The following GPATCH8 variants were observed in gnomAD, a reference collection of about 807,000 sequenced individuals.
The protein encoded by GPATCH8 is G patch domain-containing protein 8.
A neutral mutation model predicts 118.3 loss-of-function variants in GPATCH8; 18 were observed. That is an observed-to-expected ratio of 0.15 (90% CI 0.11 to 0.23). The LOEUF (loss-of-function observed/expected upper bound fraction) is 0.23. Among genes scored for constraint, GPATCH8 ranks in the 10% least tolerant of loss-of-function variants. GPATCH8 has a pLI of 1.00. For synonymous variants in GPATCH8, 659 were observed against 684.7 expected, an observed-to-expected ratio of 0.96 and a Z score of 0.59; for missense variants, 1,631 against 1,873.8, an observed-to-expected ratio of 0.87 and a Z score of 2.39.
intron 6 of GPATCH8, among the ~76,000 whole-genome samples, chr17:44,406,507 G>GGGT (rs1555622844): frequency 1.9e-5 from 1 of 51,498 alleles, no homozygotes; most frequent in South Asian, 9.5e-4. Context: ...GGGGGGGGGG[G>GGGT]GTTATTTAAA....
chr17:44,443,291 T>C (rs115669446), intron 3 of GPATCH8, among the ~76,000 whole-genome samples: 1,861 of 152,328 alleles, frequency 0.012, 33 homozygotes, highest in African/African-American at 0.037. Flanking sequence ...ATTTCATTTA[T>C]TGAAACTGTG....
At chr17:44,455,833 CGCCTCCTGGGTTCAAGCAATTCTCCT>C (rs1568014762) in intron 3 of GPATCH8, among the ~76,000 whole-genome samples, 1 of 152,124 alleles carries the variant, frequency 6.6e-6, no homozygotes, top group African/African-American at 2.4e-5. Context: ...CTGCAACCTC[CGCCTCCTGGGTTCAAGCAATTCTCCT>C]GCCTCAGCCT....
At chr17:44,483,555 G>C (rs1968513841) in intron 1 of GPATCH8, among the ~76,000 whole-genome samples, 1 of 151,542 alleles carries the variant, frequency 6.6e-6, no homozygotes, top group Non-Finnish European at 1.5e-5. Flanking sequence ...GGCCGAGGTA[G>C]GCTATTTTTA....
chr17:44,464,092 G>T (rs2051666703), intron 3 of GPATCH8, among the ~76,000 whole-genome samples: 1 of 152,158 alleles, frequency 6.6e-6, no homozygotes, highest in Non-Finnish European at 1.5e-5. Context: ...GCTACTGAAT[G>T]ATTCTCTTTA....
At chr17:44,417,591 G>A (rs530763670) in intron 6 of GPATCH8, among the ~76,000 whole-genome samples, 4 of 152,252 alleles carry the variant, frequency 2.6e-5, no homozygotes, top group South Asian at 2.1e-4. Context: ...GACTGAAATC[G>A]CAAGGAAGTT....
chr17:44,460,564 CA>C (rs2051505840), intron 3 of GPATCH8, among the ~76,000 whole-genome samples: 1 of 152,050 alleles, frequency 6.6e-6, no homozygotes, highest in Non-Finnish European at 1.5e-5. Context: ...CTTTTGTTGG[CA>C]AAAGCCTTGC....
chr17:44,436,747 C>T (rs1282192258), intron 3 of GPATCH8: 4 of 477,638 alleles, frequency 8.4e-6, no homozygotes, highest in Admixed American at 4.5e-5. Context: ...CCTTGGCTGA[C>T]GTCCAGTTGG....
intron 3 of GPATCH8, among the ~76,000 whole-genome samples, chr17:44,448,178 A>C (rs1451307160): frequency 1.3e-5 from 2 of 152,202 alleles, no homozygotes; most frequent in Non-Finnish European, 2.9e-5. Flanking sequence ...AATCTGTGAT[A>C]ATTTCCAAAT....
intron 2 of GPATCH8, among the ~76,000 whole-genome samples, chr17:44,470,566 G>A (rs1488197696): frequency 1.4e-5 from 2 of 145,220 alleles, no homozygotes; most frequent in South Asian, 2.2e-4. Context: ...GCGTGATCTC[G>A]ACTCACTGCA....
chr17:44,442,458 A>G (rs2050735380), intron 3 of GPATCH8, among the ~76,000 whole-genome samples: 1 of 152,156 alleles, frequency 6.6e-6, no homozygotes. Context: ...AGCCATCAAA[A>G]AGTCACAAAA....
intron 1 of GPATCH8, among the ~76,000 whole-genome samples, chr17:44,476,693 A>G (rs1967809964): frequency 6.6e-6 from 1 of 152,340 alleles, no homozygotes; most frequent in African/African-American, 2.4e-5. Context: ...GAAATTAAAA[A>G]TAAGCTCTTG....
At chr17:44,469,559 G>A (rs1030311913) in intron 2 of GPATCH8, among the ~76,000 whole-genome samples, 1 of 152,142 alleles carries the variant, frequency 6.6e-6, no homozygotes, top group Non-Finnish European at 1.5e-5. Context: ...ACTGAATTTT[G>A]TTTTAGTTGA....
chr17:44,502,036 T>C (rs931067467), intron 1 of GPATCH8, among the ~76,000 whole-genome samples: 1 of 152,122 alleles, frequency 6.6e-6, no homozygotes, highest in Non-Finnish European at 1.5e-5. Context: ...GACTCTCCTG[T>C]ATTGTGCTGC....
At chr17:44,410,680 T>C (rs1298629046) in intron 6 of GPATCH8, among the ~76,000 whole-genome samples, 1 of 152,188 alleles carries the variant, frequency 6.6e-6, no homozygotes, top group African/African-American at 2.4e-5. Context: ...AATGAAAAGA[T>C]ATGAAGATTC....
chr17:44,486,705 T>G (rs1198504837), intron 1 of GPATCH8: 1 of 152,182 alleles, frequency 6.6e-6, no homozygotes, highest in Non-Finnish European at 1.5e-5. Flanking sequence ...AAGTAAAACA[T>G]GAAAGAAAGC....
intron 3 of GPATCH8, among the ~76,000 whole-genome samples, chr17:44,440,977 A>T (rs1214878540): frequency 2.6e-5 from 4 of 152,110 alleles, no homozygotes; most frequent in African/African-American, 9.7e-5. Context: ...CAGCCTCCTG[A>T]GTAGCCGGGA....
rs1280839741 is a variant in GPATCH8, at chr17:44,398,973, G to A, written c.3104C>T (p.Ser1035Phe). The change falls in exon 8 of 8, where the codon TCC (serine) becomes TTC (phenylalanine). Residue 1035 changes from serine to phenylalanine, a missense_variant. Around this residue, in one of 8 missense-constraint regions of GPATCH8, gnomAD observed 922 missense variants for 879.7 expected, o/e 1.05. Transcript: ENST00000591680. ...FIRSKIYRSQ[S>F]PHYFRSGRGE... ...CCGGCCTGATCGGAAATAGTGGGGG[G>A]ACTGGGAGCGGTAGATCTTAGAACG... The A allele has an allele frequency of 2.5e-6, 4 of 1,614,088 alleles. No homozygotes were observed. The highest frequency in any genetic ancestry group is 3.4e-6 in the Non-Finnish European group (4 of 1,179,984).
intron 3 of GPATCH8, among the ~76,000 whole-genome samples, chr17:44,447,360 T>C (rs1023338447): frequency 1.3e-5 from 2 of 151,040 alleles, no homozygotes; most frequent in African/African-American, 2.4e-5. Flanking sequence ...GGTTTCACTA[T>C]ATTGGCCAGG....
At chr17:44,468,713 T>C (rs999545861) in intron 2 of GPATCH8, among the ~76,000 whole-genome samples, 2 of 152,090 alleles carry the variant, frequency 1.3e-5, no homozygotes, top group Admixed American at 6.5e-5. Context: ...CAAAAATAAA[T>C]TACAGAAATT....
Sources: gnomAD v4.1 joint callset for allele counts (sites outside exome capture counted in the v4.1 genomes callset) on GRCh38, gnomAD v4.1.1 for gene constraint, gnomAD v4.1.1 regional missense constraint, MANE v1.5 for transcripts, NCBI Gene and HGNC (gene_info 2026-07-23, HGNC 2026-07-21) for gene names.